LRPPRC: variants seen among roughly 807,000 people sequenced by gnomAD.
LRPPRC encodes the protein leucine-rich PPR motif-containing protein, mitochondrial.
In LRPPRC, 120 loss-of-function variants were observed where a neutral mutation model predicts 180.3. The observed-to-expected ratio is 0.67, with a 90% CI of 0.57 to 0.77. The LOEUF (loss-of-function observed/expected upper bound fraction) is 0.77. Among genes scored for constraint, LRPPRC ranks in the 30% least tolerant of loss-of-function variants. The probability of loss-of-function intolerance (pLI) is 0.00; values close to 1 mark genes in which losing one functional copy is unlikely to be tolerated. For missense variants in LRPPRC, 2,012 were observed against 1,657.2 expected (o/e 1.21, Z -3.72); for synonymous variants, 723 against 600.0 (o/e 1.21, Z -3.00).
rs574328970 is a variant in LRPPRC at position 43,995,966 on chromosome 2, G to C, written c.-19C>G. 16 of 1,524,342 alleles carry C rather than the reference G, an allele frequency of 1.0e-5. No individual in the cohort carries two copies. The highest frequency in any genetic ancestry group is 2.0e-5 in the Admixed American group (1 of 50,158). The allele number at this position is 1,524,342 out of a possible 1,614,324, so 94.4% of individuals were successfully genotyped here. On this transcript the variant is annotated 5_prime_UTR_variant, in exon 1 of 38. Transcript: ENST00000260665. Reference sequence around the variant, plus strand: ...CTGCCATTGCTCGAACGTCCCCGCAGCGGGAAGCACGCTCCGCCAGAAGGA... The same window carrying C: ...CTGCCATTGCTCGAACGTCCCCGCACCGGGAAGCACGCTCCGCCAGAAGGA...
At position 43,974,740 on chromosome 2, in the gene LRPPRC, TCTC is replaced by T. The variant is rs774622259; in HGVS notation, c.880_882del (p.Glu294del). On this transcript the variant is annotated inframe_deletion, in exon 8 of 38. Coordinates refer to ENST00000260665, the MANE Select transcript of LRPPRC (RefSeq NM_133259.4). ...CGGTCCATAAGGTGAAGCTCGGACT[TCTC>T]CACCTTCTCCAGAGTCTATAGAGAG... 21 of 1,613,670 alleles carry T rather than the reference TCTC, an allele frequency of 1.3e-5. No homozygotes were observed. Among genetic ancestry groups the T allele is most frequent in the Non-Finnish European group, 1.8e-5 (21 of 1,179,664 alleles).
chr2:43,921,580 T>G (rs1671701531), intron 27 of LRPPRC, among the ~76,000 whole-genome samples: 1 of 152,102 alleles, frequency 6.6e-6, no homozygotes, highest in Admixed American at 6.6e-5. Flanking sequence ...TACATGGATA[T>G]AAAGGTAGAG....
At chr2:43,916,876 C>T (rs939439564) in intron 29 of LRPPRC, among the ~76,000 whole-genome samples, 5 of 134,658 alleles carry the variant, frequency 3.7e-5, no homozygotes, top group African/African-American at 5.7e-5. Context: ...GCCCACGAGG[C>T]GGGGGCTGCA....
rs538540705 is a variant in LRPPRC, at chr2:43,970,687, T to C, written c.1369+2920A>G. On this transcript the variant is annotated intron_variant, in intron 11 of 37. Coordinates refer to ENST00000260665, the MANE Select transcript of LRPPRC (RefSeq NM_133259.4). The stretch of plus-strand genomic sequence containing the variant: ...GAGAATTATAACAGCTCACCAACTA[T>C]CAGGAATGATATATGATTTGCCTGA... 2.6e-5 allele frequency among the ~76,000 whole-genome samples: 4 copies of C among 152,318 alleles called. No homozygotes were observed. The East Asian group carries it at 5.8e-4, about 22-fold the overall frequency.
intron 15 of LRPPRC, among the ~76,000 whole-genome samples, chr2:43,950,277 C>T (rs1672847652): frequency 6.6e-6 from 1 of 151,832 alleles, no homozygotes; most frequent in Non-Finnish European, 1.5e-5. Flanking sequence ...TTTGTTACAT[C>T]GGTAAACGTG....
intron 35 of LRPPRC, 184 bp downstream of exon 35, chr2:43,896,450 G>A (rs960320980): frequency 5.5e-6 from 3 of 548,340 alleles, no homozygotes; most frequent in African/African-American, 1.9e-5. Flanking sequence ...GCGTGAACTT[G>A]TTTTACATTT....
intron 12 of LRPPRC, among the ~76,000 whole-genome samples, chr2:43,961,679 G>C (rs749604559): frequency 6.6e-6 from 1 of 152,178 alleles, no homozygotes; most frequent in African/African-American, 2.4e-5. Context: ...GGCATTATCA[G>C]GTAGGGCGCA....
In LRPPRC at chr2:43,952,723, T is replaced by A. The variant is rs75261230; in HGVS notation, c.1650-2123A>T. ...GCATGTACGTATTTAAGTTCTTTGT[T>A]TCCCAGAAGAGGAAACAAATTTGGT... is the stretch of plus-strand genomic sequence containing the variant. On this transcript the variant is annotated intron_variant, in intron 14 of 37. Coordinates refer to ENST00000260665, the MANE Select transcript of LRPPRC (RefSeq NM_133259.4). Among the ~76,000 whole-genome samples the A allele has an allele frequency of 3.9e-4, 60 of 152,310 alleles. No homozygotes were observed. The East Asian group carries it at 9.3e-3, about 24-fold the overall frequency.
At chr2:43,950,328 G>A (rs1218172812) in intron 15 of LRPPRC, among the ~76,000 whole-genome samples, 2 of 151,920 alleles carry the variant, frequency 1.3e-5, no homozygotes, top group East Asian at 1.9e-4. Context: ...CATCACCCAG[G>A]TATTAAGCCC....
At chr2:43,961,187 T>C (rs1484522754) in intron 12 of LRPPRC, among the ~76,000 whole-genome samples, 1 of 152,088 alleles carries the variant, frequency 6.6e-6, no homozygotes, top group Non-Finnish European at 1.5e-5. Context: ...AAGCATAAAA[T>C]ATATTTTGTG....
intron 34 of LRPPRC, among the ~76,000 whole-genome samples, chr2:43,898,947 G>A (rs930959413): frequency 6.6e-6 from 1 of 151,964 alleles, no homozygotes; most frequent in African/African-American, 2.4e-5. Context: ...AGCGAAACTC[G>A]CTGCCCCATA....
At chr2:43,964,706 A>G (rs1264515507) in intron 11 of LRPPRC, among the ~76,000 whole-genome samples, 2 of 152,162 alleles carry the variant, frequency 1.3e-5, no homozygotes, top group African/African-American at 4.8e-5. Context: ...TAAAAAAAAA[A>G]CTATAATTTT....
At chr2:43,896,611 T>G in intron 35 of LRPPRC, 23 bp downstream of exon 35, 1 of 1,450,882 alleles carries the variant, frequency 6.9e-7, no homozygotes, top group Non-Finnish European at 9.7e-7. Context: ...ATCATTGATT[T>G]GTAAGCAGGT....
At position 43,939,587 on chromosome 2, in the gene LRPPRC, A is replaced by T. The variant is rs982506835; in HGVS notation, c.2504+4100T>A. On this transcript the variant is annotated intron_variant, in intron 23 of 37. Transcript: ENST00000260665. ...AGATGTTCAATATGGGAAGAAACCAATTCAAGAGAAACCATCATCTTCACA... is the reference window on the plus strand; with the variant it reads ...AGATGTTCAATATGGGAAGAAACCATTTCAAGAGAAACCATCATCTTCACA... Among the ~76,000 whole-genome samples the T allele has an allele frequency of 2.0e-4, 31 of 152,228 alleles. 1 individual carries two copies. Among genetic ancestry groups the T allele is most frequent in the Non-Finnish European group, 2.9e-5 (2 of 68,034 alleles).
At chr2:43,955,573 AC>A (rs1673078163) in intron 14 of LRPPRC, among the ~76,000 whole-genome samples, 1 of 151,994 alleles carries the variant, frequency 6.6e-6, no homozygotes, top group African/African-American at 2.4e-5. Context: ...TCCCGTCTCT[AC>A]AAAAAAATTT....
At chr2:43,940,892 T>C (rs777331143) in intron 23 of LRPPRC, among the ~76,000 whole-genome samples, 1 of 152,178 alleles carries the variant, frequency 6.6e-6, no homozygotes, top group Non-Finnish European at 1.5e-5. Context: ...TAAGATAAAA[T>C]ACTTACAAAA....
At chr2:43,978,166 T>C (rs146758775) in intron 3 of LRPPRC, among the ~76,000 whole-genome samples, 1 of 152,304 alleles carries the variant, frequency 6.6e-6, no homozygotes, top group African/African-American at 2.4e-5. Context: ...ATCTTACAGA[T>C]AGCTCAGATC....
Position 43,905,683 on chromosome 2 carries a change from G to C in LRPPRC, c.3364+9C>G. ...TAATGTGACGTAAAGGTCAAGCATT[G>C]TGACATACCTTTCAAATAATCCCGC... On this transcript the variant is annotated intron_variant, in intron 31 of 37. Transcript: ENST00000260665. The C allele has an allele frequency of 6.3e-7, 1 of 1,599,606 alleles. No individual in the cohort carries two copies. Among genetic ancestry groups the C allele is most frequent in the East Asian group, 2.2e-5 (1 of 44,798 alleles).
Position 43,973,614 on chromosome 2 carries a change from A to G in LRPPRC, c.1362T>C (p.Asn454=). Reference sequence around the variant, plus strand: ...TAAAAGGCAAAATCTAACCTTGAACATTTTTTTCCTTCCGACGTCCAACTA... The same window carrying G: ...TAAAAGGCAAAATCTAACCTTGAACGTTTTTTTCCTTCCGACGTCCAACTA... The part of the protein sequence containing the change: ...PLLVGRRKEK[N]VQGIIEILKG... Residue 454 remains asparagine, a synonymous_variant, in exon 11 of 38, where the codon AAT becomes AAC. Coordinates refer to ENST00000260665, the MANE Select transcript of LRPPRC (RefSeq NM_133259.4). The G allele has an allele frequency of 3.1e-6, 5 of 1,611,322 alleles. No homozygotes were observed. Among genetic ancestry groups the G allele is most frequent in the South Asian group, 1.1e-5 (1 of 90,998 alleles).
Sources: gnomAD v4.1 joint callset for allele counts (sites outside exome capture counted in the v4.1 genomes callset) on GRCh38, gnomAD v4.1.1 for gene constraint, MANE v1.5 for transcripts, NCBI Gene and HGNC (gene_info 2026-07-23, HGNC 2026-07-21) for gene names.